The following TAB2 variants were observed in gnomAD, a reference collection of about 807,000 sequenced individuals.
TAB2 encodes TGF-beta activated kinase 1 (MAP3K7) binding protein 2.
In TAB2, 3 loss-of-function variants were observed where a neutral mutation model predicts 65.0. The ratio of observed to expected loss-of-function variants is 0.05; its 90% confidence interval spans 0.02 to 0.12. The LOEUF (loss-of-function observed/expected upper bound fraction) is 0.12, where lower values mean the gene tolerates loss of function less well. TAB2 is among the 10% of genes least tolerant of loss of function. The probability of loss-of-function intolerance (pLI) is 1.00; values close to 1 mark genes in which losing one functional copy is unlikely to be tolerated. For synonymous variants in TAB2, 298 were observed against 285.1 expected (o/e 1.05, Z -0.46); for missense variants, 623 against 840.3 (o/e 0.74, Z 3.20).
At chr6:149,233,749 A>G (rs1448079567) in intron 1 of TAB2, among the ~76,000 whole-genome samples, 1 of 152,212 alleles carries the variant, frequency 6.6e-6, no homozygotes, top group Admixed American at 6.5e-5. Flanking sequence ...AATCTATTCA[A>G]TTGGTGCAAA....
intron 1 of TAB2, chr6:149,246,763 C>T (rs527465147): frequency 6.6e-6 from 1 of 152,356 alleles, no homozygotes; most frequent in African/African-American, 2.4e-5. Flanking sequence ...GACTCCTGAG[C>T]TCAAGCCCTC....
At chr6:149,283,188 T>A (rs1778606473) in intron 1 of TAB2, among the ~76,000 whole-genome samples, 1 of 152,246 alleles carries the variant, frequency 6.6e-6, no homozygotes. Flanking sequence ...CCTGCACTTC[T>A]TGCTTAATGC....
intron 3 of TAB2, among the ~76,000 whole-genome samples, chr6:149,383,695 G>C: frequency 6.6e-6 from 1 of 152,144 alleles, no homozygotes; most frequent in Middle Eastern, 3.2e-3. Context: ...CAGTTCTCCT[G>C]CCTCAGCCTC....
At chr6:149,371,976 T>G (rs1781241600) in intron 2 of TAB2, among the ~76,000 whole-genome samples, 1 of 152,148 alleles carries the variant, frequency 6.6e-6, no homozygotes, top group African/African-American at 2.4e-5. Flanking sequence ...AAGAGAATTT[T>G]GTGGTAAAAT....
chr6:149,322,569 G>A (rs1779489528), intron 1 of TAB2, among the ~76,000 whole-genome samples: 1 of 152,016 alleles, frequency 6.6e-6, no homozygotes, highest in Admixed American at 6.6e-5. Flanking sequence ...CACTAGATTT[G>A]GGATCAGTTA....
intron 1 of TAB2, among the ~76,000 whole-genome samples, chr6:149,352,979 T>C (rs965833304): frequency 1.3e-5 from 2 of 152,208 alleles, no homozygotes; most frequent in Admixed American, 1.3e-4. Context: ...CTTTTTTCCC[T>C]CCTGCTTACA....
At chr6:149,395,782 A>C (rs1782144749) in intron 3 of TAB2, among the ~76,000 whole-genome samples, 1 of 151,950 alleles carries the variant, frequency 6.6e-6, no homozygotes, top group Non-Finnish European at 1.5e-5. Context: ...TATATTGAGT[A>C]GTTATTTCAG....
intron 1 of TAB2, among the ~76,000 whole-genome samples, chr6:149,287,187 C>T (rs764112266): frequency 2.1e-4 from 32 of 152,062 alleles, no homozygotes; most frequent in South Asian, 4.1e-4. Flanking sequence ...AAAGTGTATA[C>T]TGAAAAAAGA....
intron 1 of TAB2, among the ~76,000 whole-genome samples, chr6:149,226,438 A>T (rs1433896357): frequency 6.6e-6 from 1 of 152,158 alleles, no homozygotes; most frequent in Non-Finnish European, 1.5e-5. Context: ...TCCAATCCCT[A>T]TTCCGTGGTC....
chr6:149,404,374 C>T (rs1782590443), intron 6 of TAB2, among the ~76,000 whole-genome samples: 1 of 152,134 alleles, frequency 6.6e-6, no homozygotes, highest in Non-Finnish European at 1.5e-5. Context: ...CCAAATTAGT[C>T]TACAGATTCA....
chr6:149,316,215 A>G (rs138539099), upstream of TAB2, among the ~76,000 whole-genome samples: 8 of 152,372 alleles, frequency 5.3e-5, no homozygotes, highest in Non-Finnish European at 1.0e-4. Context: ...GGTATCACCA[A>G]TGGAGAATAA....
chr6:149,400,638 A>G, intron 6 of TAB2: 3 of 1,614,248 alleles, frequency 1.9e-6, no homozygotes, highest in South Asian at 1.1e-5. Context: ...AGATGAAGAT[A>G]CAATTGATGT....
intron 6 of TAB2, chr6:149,400,708 C>A: frequency 6.2e-7 from 1 of 1,602,536 alleles, no homozygotes; most frequent in Middle Eastern, 1.7e-4. Context: ...TACTCCAGAA[C>A]GCTGTTCTTT....
intron 1 of TAB2, among the ~76,000 whole-genome samples, chr6:149,357,364 C>T (rs2114821896): frequency 6.8e-6 from 1 of 147,026 alleles, no homozygotes; most frequent in Middle Eastern, 3.6e-3. Flanking sequence ...TGCAGTGAGC[C>T]AAGATTGTGC....
intron 1 of TAB2, among the ~76,000 whole-genome samples, chr6:149,350,388 C>T (rs1169237432): frequency 1.3e-5 from 2 of 152,118 alleles, no homozygotes; most frequent in Non-Finnish European, 2.9e-5. Flanking sequence ...TATGAGATAA[C>T]TTCCTAGAAT....
chr6:149,409,445 G>A (rs1030034930), intron 6 of TAB2, 132 bp from the exon 7 acceptor site: 14 of 760,198 alleles, frequency 1.8e-5, no homozygotes. Flanking sequence ...ATGTGTGTCA[G>A]TGTCAGCTAG....
chr6:149,322,818 A>G (rs1386051258), intron 1 of TAB2, among the ~76,000 whole-genome samples: 2 of 152,164 alleles, frequency 1.3e-5, no homozygotes, highest in African/African-American at 4.8e-5. Context: ...TTTTGTCATC[A>G]TTTTGCTTGT....
intron 2 of TAB2, among the ~76,000 whole-genome samples, chr6:149,371,856 T>G (rs953675500): frequency 1.3e-5 from 2 of 151,964 alleles, no homozygotes; most frequent in African/African-American, 4.8e-5. Context: ...AAACATGTAA[T>G]AAAGATGGAG....
At chr6:149,277,235 G>A (rs558333033) in intron 1 of TAB2, among the ~76,000 whole-genome samples, 2 of 152,118 alleles carry the variant, frequency 1.3e-5, no homozygotes, top group Non-Finnish European at 2.9e-5. Context: ...ATTAGTATAA[G>A]TTTATTCATT....
Sources: gnomAD v4.1 joint callset for allele counts (sites outside exome capture counted in the v4.1 genomes callset) on GRCh38, gnomAD v4.1.1 for gene constraint, MANE v1.5 for transcripts, NCBI Gene and HGNC (gene_info 2026-07-23, HGNC 2026-07-21) for gene names.